The following NT5E variants were observed in gnomAD, a reference collection of about 807,000 sequenced individuals.
NT5E encodes 5'-nucleotidase ecto.
A neutral mutation model predicts 55.1 loss-of-function variants in NT5E; 53 were observed. The ratio of observed to expected loss-of-function variants is 0.96; its 90% CI spans 0.77 to 1.21. NT5E has a LOEUF of 1.21. Ranked by LOEUF, NT5E falls within the 50% of genes most tolerant of loss-of-function variation. The pLI is 0.00. For synonymous variants in NT5E, 270 were observed against 278.4 expected (o/e 0.97, Z 0.30); for missense variants, 683 against 724.3 (o/e 0.94, Z 0.65).
chr6:85,455,926 T>C (rs1422555176), intron 1 of NT5E, among the ~76,000 whole-genome samples: 1 of 152,162 alleles, frequency 6.6e-6, no homozygotes, highest in Admixed American at 6.5e-5. Context: ...TGTGTGTTTG[T>C]GCTTTTGTAT....
At chr6:85,463,567 A>T (rs1769134478) in intron 1 of NT5E, among the ~76,000 whole-genome samples, 1 of 152,234 alleles carries the variant, frequency 6.6e-6, no homozygotes, top group Admixed American at 6.5e-5. Flanking sequence ...GGACCAAAAA[A>T]GGTGGAATAA....
chr6:85,486,004 G>T (rs537359191), intron 4 of NT5E, among the ~76,000 whole-genome samples: 2 of 152,316 alleles, frequency 1.3e-5, no homozygotes, highest in South Asian at 2.1e-4. Context: ...GTCCAGGGGG[G>T]TCACTGCCTT....
Position 85,450,300 on chromosome 6 carries a change from C to T in NT5E, c.161C>T (p.Ala54Val), listed in dbSNP as rs1768827383. ...TSEDSSKCVN[A>V]SRCMGGVARL... ...GAGGACTCCAGCAAGTGCGTCAACG[C>T]CAGCCGCTGCATGGGTGGCGTGGCT... is the stretch of plus-strand genomic sequence containing the variant. The change falls in exon 1 of 9, where the codon GCC becomes GTC. Residue 54 changes from alanine to valine, a missense_variant. Physicochemically the swap from Ala to Val is moderately conservative, Grantham distance 64. Transcript: ENST00000257770. The surrounding 1 kb of genome is among the most constrained non-coding windows in gnomAD (Gnocchi z 4.0). 8 of 1,605,376 alleles carry T rather than the reference C, an allele frequency of 5.0e-6. No individual in the cohort carries two copies. The East Asian group carries it at 1.8e-4, about 36-fold the overall frequency.
At chr6:85,451,450 G>T (rs995548084) in intron 1 of NT5E, among the ~76,000 whole-genome samples, 2 of 152,106 alleles carry the variant, frequency 1.3e-5, no homozygotes, top group Non-Finnish European at 2.9e-5. Context: ...TCTAGAAAGG[G>T]AGCAGAGGTG....
chr6:85,463,153 G>C (rs1188216545), intron 1 of NT5E, among the ~76,000 whole-genome samples: 1 of 152,152 alleles, frequency 6.6e-6, no homozygotes, highest in African/African-American at 2.4e-5. Context: ...TGGACCAGAT[G>C]CTCACATTGT....
chr6:85,480,037 G>A (rs143302273), intron 3 of NT5E, among the ~76,000 whole-genome samples: 71 of 152,234 alleles, frequency 4.7e-4, no homozygotes, highest in African/African-American at 8.4e-4. Context: ...AAAAGATGAC[G>A]CACCAGACCA....
chr6:85,472,929 A>G (rs1769346012), intron 3 of NT5E, among the ~76,000 whole-genome samples: 1 of 152,118 alleles, frequency 6.6e-6, no homozygotes, highest in Non-Finnish European at 1.5e-5. Flanking sequence ...GACAGATAAG[A>G]CTAAAATAGA....
intron 3 of NT5E, among the ~76,000 whole-genome samples, chr6:85,476,363 C>G (rs1451666272): frequency 6.6e-6 from 1 of 152,202 alleles, no homozygotes; most frequent in Non-Finnish European, 1.5e-5. Flanking sequence ...TCCTGCAGCT[C>G]TCAACTCCTC....
Position 85,489,547 on chromosome 6 carries a change from G to A in NT5E, c.1158G>A (p.Met386Ile). Residue 386 changes from methionine to isoleucine, a missense_variant, in exon 6 of 9, where the codon ATG becomes ATA. Met to Ile is a conservative substitution (Grantham distance 10). Transcript: ENST00000257770. ...TDEMFWNHVS[M>I]CILNGGGIRS... Reference sequence around the variant, plus strand: ...AAATGTTCTGGAACCACGTATCCATGTGCATTTTAAATGGAGGTGGTATCC... The same window carrying A: ...AAATGTTCTGGAACCACGTATCCATATGCATTTTAAATGGAGGTGGTATCC... 6.2e-7 allele frequency: 1 copy of A among 1,614,002 alleles called. No homozygotes were observed. The highest frequency in any genetic ancestry group is 1.1e-5 in the South Asian group (1 of 91,066).
rs757334295 is a variant in NT5E at position 85,487,380 on chromosome 6, A to G, written c.995A>G (p.Asp332Gly). ...ADINKWRIKL[D>G]NYSTQELGKT... ...ATTAACAAATGGAGGATAAAATTGG[A>G]TAATTATTCTACCCAGGAATTAGGG... Residue 332 changes from aspartate to glycine, a missense_variant, in exon 5 of 9, where the codon GAT becomes GGT. By Grantham distance (94) the Asp-to-Gly change is moderately conservative. Transcript: ENST00000257770. 2 of 1,613,728 alleles carry G rather than the reference A, an allele frequency of 1.2e-6. No homozygotes were observed. Among genetic ancestry groups the G allele is most frequent in the East Asian group, 2.2e-5 (1 of 44,878 alleles).
intron 1 of NT5E, among the ~76,000 whole-genome samples, chr6:85,465,800 T>A (rs1224238104): frequency 2.0e-5 from 3 of 152,102 alleles, no homozygotes; most frequent in Admixed American, 2.0e-4. Flanking sequence ...AGGAGACTGA[T>A]ATAAAAGAAA....
At chr6:85,469,087 C>T (rs570338391) in intron 2 of NT5E, among the ~76,000 whole-genome samples, 2 of 152,324 alleles carry the variant, frequency 1.3e-5, no homozygotes, top group East Asian at 3.9e-4. Flanking sequence ...GTGGCCTGGG[C>T]ACCCACAGGG....
In NT5E at chr6:85,487,443, GC is replaced by G; in HGVS notation, c.1060del (p.Arg354AlafsTer10). 1 of 1,614,166 alleles carries G rather than the reference GC, an allele frequency of 6.2e-7. No individual in the cohort carries two copies. Among genetic ancestry groups the G allele is most frequent in the Non-Finnish European group, 8.5e-7 (1 of 1,180,014 alleles). ...IVYLDGSSQS[C>X]RFRECNMGNL... ...TATCTGGATGGCTCCTCTCAATCAT[GC>G]CGCTTTAGAGAATGCAACATGGGCA... On this transcript the variant is annotated frameshift_variant, in exon 5 of 9. Coordinates refer to ENST00000257770, the MANE Select transcript of NT5E (RefSeq NM_002526.4). LOFTEE classifies it high-confidence loss of function.
chr6:85,453,228 C>T (rs765324326), intron 1 of NT5E, among the ~76,000 whole-genome samples: 3 of 152,150 alleles, frequency 2.0e-5, no homozygotes, highest in Non-Finnish European at 2.9e-5. Flanking sequence ...TGACAGTATG[C>T]GCTTGGCCTG....
intron 3 of NT5E, among the ~76,000 whole-genome samples, chr6:85,474,806 T>C (rs1247237394): frequency 6.6e-6 from 1 of 152,086 alleles, no homozygotes; most frequent in Non-Finnish European, 1.5e-5. Context: ...TAGGGGCATA[T>C]GCCTGTAGTC....
At position 85,490,647 on chromosome 6, in the gene NT5E, GC is replaced by G; in HGVS notation, c.1351del (p.Gln451ArgfsTer19). 1 of 1,614,022 alleles carries G rather than the reference GC, an allele frequency of 6.2e-7. No individual in the cohort carries two copies. The highest frequency in any genetic ancestry group is 8.5e-7 in the Non-Finnish European group (1 of 1,180,002). ...RYGQSTGEFL[Q>X]VGGIHVVYDL... ...ACGGCCAGTCCACTGGAGAGTTCCT[GC>G]AGGTGGGCGGTAAGTCACCCATCCT... On this transcript the variant is annotated frameshift_variant, in exon 7 of 9. Coordinates refer to ENST00000257770, the MANE Select transcript of NT5E (RefSeq NM_002526.4). LOFTEE classifies it high-confidence loss of function.
chr6:85,461,512 G>C (rs1012017252), intron 1 of NT5E, among the ~76,000 whole-genome samples: 3 of 152,214 alleles, frequency 2.0e-5, no homozygotes, highest in Non-Finnish European at 4.4e-5. Context: ...ACCTGAGACA[G>C]AGGCTGCTTT....
At chr6:85,455,436 G>A (rs1768968557) in intron 1 of NT5E, among the ~76,000 whole-genome samples, 1 of 152,210 alleles carries the variant, frequency 6.6e-6, no homozygotes, top group Non-Finnish European at 1.5e-5. Flanking sequence ...TGAACAAGAT[G>A]TGAGGAGCTT....
chr6:85,471,268 T>C lies in NT5E; in HGVS notation c.594T>C (p.Thr198=). The change falls in exon 3 of 9, where the codon ACT becomes ACC. Residue 198 remains threonine, a synonymous_variant. Coordinates refer to ENST00000257770, the MANE Select transcript of NT5E (RefSeq NM_002526.4). ...ATTTAGTGTTTGAAGATGAAATCAC[T>C]GCATTACAACCTGAAGTAGATAAGT... is the stretch of plus-strand genomic sequence containing the variant. ...GTNLVFEDEI[T]ALQPEVDKLK... 1 of 1,610,574 alleles carries C rather than the reference T, an allele frequency of 6.2e-7. No individual in the cohort carries two copies.
Sources: allele counts gnomAD v4.1 joint callset (sites outside exome capture counted in the v4.1 genomes callset), GRCh38; gene constraint gnomAD v4.1.1; non-coding constraint Gnocchi (gnomAD v3.1); transcripts MANE v1.5; gene names NCBI Gene and HGNC (gene_info 2026-07-23, HGNC 2026-07-21).